Variants in TCERG1 observed in about 807,000 individuals in gnomAD.
TCERG1 encodes transcription elongation regulator 1.
A neutral mutation model predicts 144.7 loss-of-function variants in TCERG1; 37 were observed. The ratio of observed to expected loss-of-function variants is 0.26; its 90% CI spans 0.20 to 0.34. The LOEUF is 0.34. Among genes scored for constraint, TCERG1 ranks in the 10% least tolerant of loss-of-function variants. The pLI is 1.00. For missense variants in TCERG1, 1,027 were observed against 1,380.7 expected (o/e 0.74, Z 4.06); for synonymous variants, 492 against 458.2 (o/e 1.07, Z -0.94).
intron 5 of TCERG1, among the ~76,000 whole-genome samples, 163 bp downstream of exon 5, chr5:146,463,956 T>C (rs1002470987): frequency 3.3e-5 from 5 of 152,250 alleles, no homozygotes; most frequent in Admixed American, 6.5e-5. Flanking sequence ...TAAGTTTTGG[T>C]AAATGTCCTT....
intron 1 of TCERG1, among the ~76,000 whole-genome samples, chr5:146,450,512 A>G (rs997535445): frequency 6.6e-6 from 1 of 152,232 alleles, no homozygotes; most frequent in African/African-American, 2.4e-5. Context: ...TACCAGTACT[A>G]TTACTGTCCT....
At chr5:146,482,897 C>G (rs998143518) in intron 14 of TCERG1, among the ~76,000 whole-genome samples, 170 bp downstream of exon 14, 4 of 152,098 alleles carry the variant, frequency 2.6e-5, no homozygotes, top group African/African-American at 9.7e-5. Flanking sequence ...CTAATCTTAT[C>G]ATATTTAACT....
chr5:146,466,753 G>A (rs1039782753), intron 5 of TCERG1, among the ~76,000 whole-genome samples: 4 of 152,190 alleles, frequency 2.6e-5, no homozygotes, highest in African/African-American at 4.8e-5. Context: ...AAATAGAAGA[G>A]TTCTGCGAGC....
rs551379674 is a variant in TCERG1 at position 146,447,403 on chromosome 5, G to A, written c.54G>A (p.Glu18=). The A allele has an allele frequency of 1.2e-6, 2 of 1,611,678 alleles. No individual in the cohort carries two copies. The highest frequency in any genetic ancestry group is 2.2e-5 in the East Asian group (1 of 44,686). Reference sequence around the variant, plus strand: ...AGAGTGAACGATTCAACCCGGGGGAGCTCAGGTAAGGAACGCTGCCCTCCT... The same window carrying A: ...AGAGTGAACGATTCAACCCGGGGGAACTCAGGTAAGGAACGCTGCCCTCCT... ...GGESERFNPG[E]LRMAQQQALR... The change falls in exon 1 of 23, where the codon GAG becomes GAA. Residue 18 remains glutamate (E), a synonymous_variant. Transcript: ENST00000679501.
intron 9 of TCERG1, among the ~76,000 whole-genome samples, chr5:146,473,484 T>C (rs1764537420): frequency 6.6e-6 from 1 of 152,208 alleles, no homozygotes; most frequent in South Asian, 2.1e-4. Flanking sequence ...TGAGGGCAAT[T>C]ACACTAAACA....
intron 2 of TCERG1, among the ~76,000 whole-genome samples, chr5:146,455,737 C>T (rs1186582857): frequency 6.6e-6 from 1 of 152,160 alleles, no homozygotes; most frequent in Non-Finnish European, 1.5e-5. Context: ...TGACAGCAAA[C>T]ACATTTTATA....
In TCERG1 at chr5:146,447,373, G is replaced by A. The variant is rs1055353615; in HGVS notation, c.24G>A (p.Gly8=). 1.2e-6 allele frequency: 2 copies of A among 1,611,692 alleles called. No individual in the cohort carries two copies. The highest frequency in any genetic ancestry group is 2.2e-5 in the East Asian group (1 of 44,666). The change falls in exon 1 of 23, where the codon GGG becomes GGA. Residue 8 remains glycine, a synonymous_variant. Transcript: ENST00000679501. MAERGGD[G]GESERFNPGE... ...TAATGGCGGAGCGTGGCGGGGACGG[G>A]GGCGAGAGTGAACGATTCAACCCGG...
chr5:146,480,956 C>T (rs1205605667), intron 12 of TCERG1, among the ~76,000 whole-genome samples, 194 bp from the exon 13 acceptor site: 5 of 148,516 alleles, frequency 3.4e-5, no homozygotes, highest in Admixed American at 3.3e-4. Flanking sequence ...TTGTGATTAA[C>T]TGATTTTGTG....
chr5:146,492,659 T>A (rs2150723773), intron 15 of TCERG1, among the ~76,000 whole-genome samples: 1 of 152,308 alleles, frequency 6.6e-6, no homozygotes, highest in Non-Finnish European at 1.5e-5. Context: ...ATAATAATCA[T>A]GTATTTATAA....
At chr5:146,458,322 G>A (rs1421749861) in intron 3 of TCERG1, among the ~76,000 whole-genome samples, 6 of 151,294 alleles carry the variant, frequency 4.0e-5, no homozygotes, top group African/African-American at 1.5e-4. Flanking sequence ...GATTACAGGC[G>A]CCTGCCATCA....
At chr5:146,479,803 T>G in intron 10 of TCERG1, 52 bp from the exon 11 acceptor site, 1 of 1,590,616 alleles carries the variant, frequency 6.3e-7, no homozygotes, top group East Asian at 2.3e-5. Flanking sequence ...AAGAAAAGTT[T>G]GTGAAATATA....
chr5:146,486,597 A>C (rs1365435301), intron 15 of TCERG1, among the ~76,000 whole-genome samples: 4 of 152,352 alleles, frequency 2.6e-5, no homozygotes, highest in Non-Finnish European at 4.4e-5. Context: ...GAAGAAGACA[A>C]GGATACCCAC....
In TCERG1 at chr5:146,510,425, C is replaced by G. The variant is rs1768368495; in HGVS notation, c.3147-16C>G. The G allele has an allele frequency of 4.5e-6, 7 of 1,572,402 alleles. No individual in the cohort carries two copies. In the African/African-American group the frequency reaches 6.8e-5, roughly 15 times the overall value. On this transcript the variant is annotated splice_polypyrimidine_tract_variant and intron_variant, in intron 22 of 22. Transcript: ENST00000679501. ...ACAGCAGTCAGTAATTCTTGGACTT[C>G]TTTTTCTTATTTCAGATCCAAAAAA...
intron 15 of TCERG1, among the ~76,000 whole-genome samples, chr5:146,489,915 T>C (rs1384078896): frequency 6.6e-6 from 1 of 152,118 alleles, no homozygotes; most frequent in African/African-American, 2.4e-5. Context: ...CAACCCCTAA[T>C]TTTCTATGAG....
Position 146,471,481 on chromosome 5 carries a change from C to T in TCERG1, c.1513-7C>T. 6.2e-7 allele frequency: 1 copy of T among 1,608,650 alleles called. No individual in the cohort carries two copies. The highest frequency in any genetic ancestry group is 8.5e-7 in the Non-Finnish European group (1 of 1,177,930). Reference sequence around the variant, plus strand: ...GATACTAATTAGAGTAATATCATTTCTTGTAGGAGCCCAAAGAAGAGGAGA... The same window carrying T: ...GATACTAATTAGAGTAATATCATTTTTTGTAGGAGCCCAAAGAAGAGGAGA... On this transcript the variant is annotated splice_region_variant and splice_polypyrimidine_tract_variant and intron_variant, in intron 8 of 22. Transcript: ENST00000679501.
At position 146,459,066 on chromosome 5, in the gene TCERG1, TCAGGCTCAGGCCCAGGCCCAGGCC is replaced by T. The variant is rs758231104; in HGVS notation, c.627_650del (p.Ala235_Gln242del). ...CCCAGGCACAAGCTCAGGCCCAGGC[TCAGGCTCAGGCCCAGGCCCAGGCC>T]CAGGCCCAGGCCCAGGCCCAAGCCC... On this transcript the variant is annotated inframe_deletion, in exon 4 of 23. Coordinates refer to ENST00000679501, the MANE Select transcript of TCERG1 (RefSeq NM_001382548.1). 24 of 1,568,044 alleles carry T rather than the reference TCAGGCTCAGGCCCAGGCCCAGGCC, an allele frequency of 1.5e-5. No homozygotes were observed. The highest frequency in any genetic ancestry group is 2.9e-5 in the African/African-American group (2 of 69,006).
At chr5:146,462,029 G>C (rs1454142771) in intron 4 of TCERG1, 2 of 152,610 alleles carry the variant, frequency 1.3e-5, no homozygotes, top group Non-Finnish European at 2.9e-5. Context: ...CTAGGTCTAT[G>C]CTAGACCAAC....
chr5:146,483,671 C>CATATCTCTTG (rs1561677495), intron 15 of TCERG1, 42 bp downstream of exon 15: 3 of 1,465,924 alleles, frequency 2.0e-6, no homozygotes, highest in Non-Finnish European at 2.8e-6. Flanking sequence ...ATATCTCTTG[C>CATATCTCTTG]CAACATAGTT....
intron 15 of TCERG1, among the ~76,000 whole-genome samples, chr5:146,490,510 A>T (rs1450684376): frequency 6.6e-6 from 1 of 152,162 alleles, no homozygotes; most frequent in South Asian, 2.1e-4. Flanking sequence ...CTCTGCTTCT[A>T]GTGTTCGTTG....
Sources: allele counts gnomAD v4.1 joint callset (sites outside exome capture counted in the v4.1 genomes callset), GRCh38; gene constraint gnomAD v4.1.1; transcripts MANE v1.5; gene names NCBI Gene and HGNC (gene_info 2026-07-23, HGNC 2026-07-21).